The following ZEB1 variants were observed in gnomAD, a reference collection of about 807,000 sequenced individuals.
ZEB1 encodes zinc finger E-box binding homeobox 1.
In ZEB1, 21 loss-of-function variants were observed where a neutral mutation model predicts 84.9. That is an observed-to-expected ratio of 0.25 (90% confidence interval 0.18 to 0.36). The LOEUF (loss-of-function observed/expected upper bound fraction) is 0.36, where lower values mean the gene tolerates loss of function less well. Ranked by LOEUF, ZEB1 falls within the 10% of genes least tolerant of loss-of-function variation. The pLI, the probability that ZEB1 is intolerant of heterozygous loss-of-function variation, is 1.00. For missense variants in ZEB1, 1,104 were observed against 1,330.2 expected (o/e 0.83, Z 2.65); for synonymous variants, 420 against 471.1 (o/e 0.89, Z 1.41).
intron 1 of ZEB1, among the ~76,000 whole-genome samples, chr10:31,437,477 T>A (rs2058426788): frequency 6.6e-6 from 1 of 152,228 alleles, no homozygotes; most frequent in Non-Finnish European, 1.5e-5. Context: ...TAATACTTCA[T>A]CAGGAAATAA....
At chr10:31,448,003 A>T (rs1417542019) in intron 1 of ZEB1, among the ~76,000 whole-genome samples, 10 of 150,844 alleles carry the variant, frequency 6.6e-5, no homozygotes, top group African/African-American at 2.5e-4. Context: ...TATCCTGCAG[A>T]GTGTTTTCCA....
At chr10:31,382,387 A>G (rs2047851127) in intron 1 of ZEB1, among the ~76,000 whole-genome samples, 1 of 152,156 alleles carries the variant, frequency 6.6e-6, no homozygotes, top group Non-Finnish European at 1.5e-5. Context: ...TGAACAAATA[A>G]GCTTGTTTTC....
At chr10:31,351,391 T>G (rs1221424247) in intron 1 of ZEB1, among the ~76,000 whole-genome samples, 1 of 152,172 alleles carries the variant, frequency 6.6e-6, no homozygotes. Flanking sequence ...TTTACTAGAC[T>G]AAATAACTTT....
At chr10:31,471,561 C>G (rs1243207957) in intron 2 of ZEB1, among the ~76,000 whole-genome samples, 2 of 143,890 alleles carry the variant, frequency 1.4e-5, no homozygotes, top group Non-Finnish European at 3.1e-5. Context: ...ATTCATAAAG[C>G]AAGTCCTGAG....
intron 1 of ZEB1, among the ~76,000 whole-genome samples, chr10:31,408,000 G>T (rs540920120): frequency 1.3e-5 from 2 of 148,726 alleles, no homozygotes; most frequent in Non-Finnish European, 3.0e-5. Context: ...AAACCCCATT[G>T]TCTCAGCCCA....
intron 1 of ZEB1, among the ~76,000 whole-genome samples, chr10:31,442,666 T>A (rs1274824390): frequency 6.6e-6 from 1 of 151,962 alleles, no homozygotes; most frequent in African/African-American, 2.4e-5. Flanking sequence ...CAAATGGCAT[T>A]TAGAGCCATG....
Position 31,327,223 on chromosome 10 carries a change from G to T in ZEB1, c.58+7931G>T, listed in dbSNP as rs185712350. Among the ~76,000 whole-genome samples the T allele has an allele frequency of 1.6e-3, 233 of 146,682 alleles. 1 individual carries two copies. Among genetic ancestry groups the T allele is most frequent in the African/African-American group, 4.9e-3 (194 of 39,756 alleles). ...TCTCCCAGGTTCAAGTGATTCTCCC[G>T]CTTCAGCCTCCCAAGTAGCTGGGAT... is the stretch of plus-strand genomic sequence containing the variant. On this transcript the variant is annotated intron_variant, in intron 1 of 8. Coordinates refer to ENST00000424869, the MANE Select transcript of ZEB1 (RefSeq NM_001174096.2).
At chr10:31,321,275 T>C in intron 1 of ZEB1, 1 of 1,333,340 alleles carries the variant, frequency 7.5e-7, no homozygotes, top group Admixed American at 3.2e-5. Flanking sequence ...CAATCCATAA[T>C]TATATTTTTA....
chr10:31,372,799 G>A (rs2045945472), intron 1 of ZEB1, among the ~76,000 whole-genome samples: 1 of 151,768 alleles, frequency 6.6e-6, no homozygotes, highest in Non-Finnish European at 1.5e-5. Flanking sequence ...AGGATAATTG[G>A]GGTAACTTTT....
At chr10:31,499,743 C>T (rs1300777928) in intron 3 of ZEB1, among the ~76,000 whole-genome samples, 4 of 150,970 alleles carry the variant, frequency 2.6e-5, no homozygotes, top group South Asian at 4.2e-4. Flanking sequence ...CCAACCTGGG[C>T]GACAAGAGCG....
At position 31,442,133 on chromosome 10, in the gene ZEB1, C is replaced by T. The variant is rs549499656; in HGVS notation, c.59-18904C>T. Among the ~76,000 whole-genome samples the T allele has an allele frequency of 4.7e-4, 71 of 152,234 alleles. 2 individuals carry two copies. Among genetic ancestry groups the T allele is most frequent in the East Asian group, 7.7e-4 (4 of 5,184 alleles). ...TGTATGTTGATTGCGGCACTATTCACGATAGCAAAGACTTGGAACCAACCC... is the reference window on the plus strand; with the variant it reads ...TGTATGTTGATTGCGGCACTATTCATGATAGCAAAGACTTGGAACCAACCC... On this transcript the variant is annotated intron_variant, in intron 1 of 8. Transcript: ENST00000424869.
At chr10:31,457,060 T>C (rs2061323116) in intron 1 of ZEB1, among the ~76,000 whole-genome samples, 1 of 152,190 alleles carries the variant, frequency 6.6e-6, no homozygotes, top group South Asian at 2.1e-4. Flanking sequence ...TAAAGATTTT[T>C]AAAACTGTTT....
rs552465407 is a variant in ZEB1, at chr10:31,430,545, A to G, written c.59-30492A>G. Among the ~76,000 whole-genome samples, 209 of 152,322 alleles carry G rather than the reference A, an allele frequency of 1.4e-3. 1 individual carries two copies. Among genetic ancestry groups the G allele is most frequent in the African/African-American group, 4.8e-3 (200 of 41,570 alleles). On this transcript the variant is annotated intron_variant, in intron 1 of 8. Transcript: ENST00000424869. The stretch of plus-strand genomic sequence containing the variant: ...TTACTTAGTAATATGGCCTTTATCT[A>G]AATTTCCTAATTTTGCCATGTTAAA...
Position 31,514,640 on chromosome 10 carries a change from A to G in ZEB1, c.725A>G (p.Lys242Arg), listed in dbSNP as rs1303709274. 5 of 1,612,736 alleles carry G rather than the reference A, an allele frequency of 3.1e-6. No individual in the cohort carries two copies. Among genetic ancestry groups the G allele is most frequent in the Non-Finnish European group, 4.2e-6 (5 of 1,179,112 alleles). ...CAGTCTGGGTGTAATCGTAAATTCA[A>G]ATGCACTGAGTGTGGAAAAGCTTTC... Reference protein sequence around the residue: ...VTQSGCNRKFKCTECGKAFKY... With the variant: ...VTQSGCNRKFRCTECGKAFKY... Residue 242 changes from lysine (K) to arginine (R), a missense_variant, in exon 6 of 9, where the codon AAA becomes AGA. Physicochemically the swap from Lys to Arg is conservative, Grantham distance 26 (BLOSUM62 2). Transcript: ENST00000424869.
At chr10:31,466,562 A>G (rs1463294991) in intron 2 of ZEB1, among the ~76,000 whole-genome samples, 1 of 152,232 alleles carries the variant, frequency 6.6e-6, no homozygotes, top group African/African-American at 2.4e-5. Context: ...CTTGAAACAA[A>G]CAAAAATGGA....
intron 2 of ZEB1, among the ~76,000 whole-genome samples, chr10:31,476,227 GA>G (rs2064159722): frequency 6.6e-6 from 1 of 151,654 alleles, no homozygotes; most frequent in Non-Finnish European, 1.5e-5. Flanking sequence ...GTTTAATGAA[GA>G]AAAAAGAGAG....
rs115155710 is a variant in ZEB1 at position 31,399,803 on chromosome 10, A to G, written c.59-61234A>G. 9.3e-3 allele frequency among the ~76,000 whole-genome samples: 1,420 copies of G among 152,274 alleles called. 23 individuals are homozygous for G. The highest frequency in any genetic ancestry group is 0.033 in the African/African-American group (1,359 of 41,552). On this transcript the variant is annotated intron_variant, in intron 1 of 8. Coordinates refer to ENST00000424869, the MANE Select transcript of ZEB1 (RefSeq NM_001174096.2). ...ACCAGGCTCTGTGCTCTGGGCTGTC[A>G]TTCCCAGACAGCCACTGCCAACCAC...
intron 1 of ZEB1, among the ~76,000 whole-genome samples, chr10:31,371,062 A>G (rs536889911): frequency 1.3e-5 from 2 of 152,312 alleles, no homozygotes; most frequent in East Asian, 3.9e-4. Context: ...TATATTTAAG[A>G]TTATATAAAA....
chr10:31,389,644 T>C (rs2049259064), intron 1 of ZEB1: 1 of 152,052 alleles, frequency 6.6e-6, no homozygotes, highest in Non-Finnish European at 1.5e-5. Context: ...TGGAGACATC[T>C]AGACCAGCAC....
Sources: allele counts gnomAD v4.1 joint callset (sites outside exome capture counted in the v4.1 genomes callset), GRCh38; gene constraint gnomAD v4.1.1; transcripts MANE v1.5; gene names NCBI Gene and HGNC (gene_info 2026-07-23, HGNC 2026-07-21).